TAS1R1: variants seen among roughly 807,000 people sequenced by gnomAD.
The protein encoded by TAS1R1 is taste receptor type 1 member 1.
In TAS1R1, 31 loss-of-function variants were observed where a neutral mutation model predicts 45.8. That is an observed-to-expected ratio of 0.68 (90% confidence interval 0.51 to 0.91). The LOEUF (loss-of-function observed/expected upper bound fraction) is 0.91, where lower values mean the gene tolerates loss of function less well. Among genes scored for constraint, TAS1R1 ranks in the 40% least tolerant of loss-of-function variants. The pLI, the probability that TAS1R1 is intolerant of heterozygous loss-of-function variation, is 0.00. For synonymous variants in TAS1R1, 437 were observed against 448.4 expected, an observed-to-expected ratio of 0.97 and a Z score of 0.32; for missense variants, 1,051 against 1,063.9, an observed-to-expected ratio of 0.99 and a Z score of 0.17.
chr1:6,575,171 A>G lies in TAS1R1; in HGVS notation c.1039A>G (p.Lys347Glu), dbSNP rs10864628. ...AGAAGCCTATGCCCGGGCAGACAAG[A>G]AGGCCCCTAGGCCTTGCCACAAGGG... ...FEEAYARADK[K>E]APRPCHKGSW... is the part of the protein sequence containing the mutation. Residue 347 changes from lysine (K) to glutamate (E), a missense_variant, in exon 3 of 6, where the codon AAG becomes GAG. By Grantham distance (56) the Lys-to-Glu change is moderately conservative (BLOSUM62 1). Transcript: ENST00000333172. The G allele has an allele frequency of 0.99, 1,574,762 of 1,595,622 alleles. 779,265 individuals carry two copies. Among genetic ancestry groups the G allele is most frequent in the East Asian group, 1 (44,832 of 44,832 alleles).
At chr1:6,566,030 C>T (rs894038396) in intron 1 of TAS1R1, among the ~76,000 whole-genome samples, 3 of 152,110 alleles carry the variant, frequency 2.0e-5, no homozygotes, top group Admixed American at 2.0e-4. Context: ...ACCCCATATG[C>T]TTTGTTAGCA....
chr1:6,558,983 C>T (rs1335238894), intron 1 of TAS1R1, among the ~76,000 whole-genome samples: 1 of 140,466 alleles, frequency 7.1e-6, no homozygotes, highest in Non-Finnish European at 1.6e-5. Context: ...GCTCCGCCTC[C>T]TGGTTTCACA....
intron 1 of TAS1R1, among the ~76,000 whole-genome samples, chr1:6,563,459 C>T (rs960542062): frequency 6.6e-6 from 1 of 152,100 alleles, no homozygotes; most frequent in Non-Finnish European, 1.5e-5. Flanking sequence ...TGTTTTCTGT[C>T]GTATCTATGA....
At chr1:6,561,879 AG>A (rs1639795568) in intron 1 of TAS1R1, among the ~76,000 whole-genome samples, 1 of 152,158 alleles carries the variant, frequency 6.6e-6, no homozygotes, top group South Asian at 2.1e-4. Flanking sequence ...TACGAGGTCC[AG>A]TGGAGTTGAA....
chr1:6,558,469 C>T (rs947063457), intron 1 of TAS1R1, among the ~76,000 whole-genome samples: 1 of 152,068 alleles, frequency 6.6e-6, no homozygotes, highest in African/African-American at 2.4e-5. Flanking sequence ...CCTGTCATCC[C>T]AGCACTTTGG....
Position 6,574,883 on chromosome 1 carries a change from G to A in TAS1R1, c.751G>A (p.Val251Met), listed in dbSNP as rs1020360257. The A allele has an allele frequency of 6.2e-7, 1 of 1,614,224 alleles. No homozygotes were observed. Among genetic ancestry groups the A allele is most frequent in the Non-Finnish European group, 8.5e-7 (1 of 1,180,040 alleles). Residue 251 changes from valine (V) to methionine (M), a missense_variant, in exon 3 of 6, where the codon GTG becomes ATG. By Grantham distance (21) the Val-to-Met change is conservative (BLOSUM62 1). Transcript: ENST00000333172. The surrounding 1 kb of genome is among the most constrained non-coding windows in gnomAD (Gnocchi z 4.3). The stretch of plus-strand genomic sequence containing the variant: ...GGACATCATGCCCTTCTCTGCCCAG[G>A]TGGGCGATGAGAGGATGCAGTGCCT... ...FKDIMPFSAQVGDERMQCLMR... is the reference protein window; with the variant it reads ...FKDIMPFSAQMGDERMQCLMR...
intron 1 of TAS1R1, among the ~76,000 whole-genome samples, chr1:6,557,070 C>T (rs1254743366): frequency 4.7e-5 from 7 of 149,876 alleles, no homozygotes; most frequent in Non-Finnish European, 1.0e-4. Flanking sequence ...GTCACAGACC[C>T]AGAGGCCCAA....
In TAS1R1 at chr1:6,568,172, G is replaced by A. The variant is rs569673306; in HGVS notation, c.192-2737G>A. Among the ~76,000 whole-genome samples the A allele has an allele frequency of 3.9e-5, 6 of 152,106 alleles. No homozygotes were observed. The South Asian group carries it at 1.0e-3, about 26-fold the overall frequency. ...GGTATTGAGAACAATAGTTCCAGCC[G>A]GGCGCGGTGGTTCACGCCTGTAATC... On this transcript the variant is annotated intron_variant, in intron 1 of 5. Transcript: ENST00000333172.
chr1:6,579,603 C>A lies in TAS1R1; in HGVS notation c.*19C>A. 6.3e-7 allele frequency: 1 copy of A among 1,584,630 alleles called. No individual in the cohort carries two copies. Among genetic ancestry groups the A allele is most frequent in the Non-Finnish European group, 8.6e-7 (1 of 1,168,696 alleles). On this transcript the variant is annotated 3_prime_UTR_variant, in exon 6 of 6. Coordinates refer to ENST00000333172, the MANE Select transcript of TAS1R1 (RefSeq NM_138697.4). Reference sequence around the variant, plus strand: ...CACCTGACCAGTGGGTCAGCAGGCACGGCTGGCAGCCTTCTCTGCCCTGAG... The same window carrying A: ...CACCTGACCAGTGGGTCAGCAGGCAAGGCTGGCAGCCTTCTCTGCCCTGAG...
At chr1:6,556,479 C>T (rs1201495950) in intron 1 of TAS1R1, among the ~76,000 whole-genome samples, 3 of 152,066 alleles carry the variant, frequency 2.0e-5, no homozygotes, top group African/African-American at 7.2e-5. Context: ...TGACTCACTG[C>T]AACCTCCTCC....
intron 1 of TAS1R1, among the ~76,000 whole-genome samples, chr1:6,556,981 C>T (rs4908926): frequency 0.79 from 111,925 of 142,234 alleles, 45,229 homozygotes; most frequent in Non-Finnish European, 0.87. Context: ...TGCATTCCAA[C>T]CCGGGCGACA....
intron 1 of TAS1R1, among the ~76,000 whole-genome samples, chr1:6,561,923 CA>C (rs1570107640): frequency 1.3e-5 from 2 of 152,082 alleles, no homozygotes; most frequent in African/African-American, 2.4e-5. Context: ...AAAGTGGGAC[CA>C]GGGGGCCAAC....
At chr1:6,575,690 TC>T (rs377021571) in intron 3 of TAS1R1, among the ~76,000 whole-genome samples, 18 of 103,602 alleles carry the variant, frequency 1.7e-4, no homozygotes, top group Admixed American at 9.2e-4. Flanking sequence ...GGATAATTTT[TC>T]TTTTCTTTTT....
In TAS1R1 at chr1:6,576,404, G is replaced by A. The variant is rs114357806; in HGVS notation, c.1261-11G>A. On this transcript the variant is annotated splice_polypyrimidine_tract_variant and intron_variant, in intron 3 of 5. Coordinates refer to ENST00000333172, the MANE Select transcript of TAS1R1 (RefSeq NM_138697.4). ...TGTCTGTGGTGGCTTCATGATACGC[G>A]TTTCTTTCAGCTTTTGGAGCAGATC... 1.5e-3 allele frequency: 2,371 copies of A among 1,614,074 alleles called. 33 individuals are homozygous for A. In the African/African-American group the frequency reaches 0.027, roughly 18 times the overall value.
At chr1:6,568,384 G>A (rs1639919172) in intron 1 of TAS1R1, among the ~76,000 whole-genome samples, 1 of 151,916 alleles carries the variant, frequency 6.6e-6, no homozygotes, top group Non-Finnish European at 1.5e-5. Flanking sequence ...GAACCCGGGA[G>A]GCGGAGCTTG....
chr1:6,571,295 C>T, intron 2 of TAS1R1, 80 bp downstream of exon 2: 4 of 1,434,798 alleles, frequency 2.8e-6, no homozygotes, highest in South Asian at 2.8e-5. Context: ...GCTGCTGTCC[C>T]CCCCAAGGCT....
In TAS1R1 at chr1:6,555,379, G is replaced by A; in HGVS notation, c.6G>A (p.Leu2=). Residue 2 remains leucine (L), a synonymous_variant, in exon 1 of 6, where the codon CTG becomes CTA. Transcript: ENST00000333172. ...GGCGCGGGCATCTGGCCAGCATGCT[G>A]CTCTGCACGGCTCGCCTGGTCGGCC... is the stretch of plus-strand genomic sequence containing the variant. M[L]LCTARLVGLQ... is the part of the protein sequence containing the mutation. 1 of 1,597,232 alleles carries A rather than the reference G, an allele frequency of 6.3e-7. No individual in the cohort carries two copies. Among genetic ancestry groups the A allele is most frequent in the African/African-American group, 1.3e-5 (1 of 74,840 alleles).
At chr1:6,564,880 C>G (rs1007719197) in intron 1 of TAS1R1, among the ~76,000 whole-genome samples, 1 of 152,150 alleles carries the variant, frequency 6.6e-6, no homozygotes, top group Non-Finnish European at 1.5e-5. Flanking sequence ...TGCCAGTCCT[C>G]CCCTGGGAGT....
intron 1 of TAS1R1, among the ~76,000 whole-genome samples, chr1:6,569,012 G>T (rs1197437557): frequency 1.3e-5 from 2 of 152,210 alleles, no homozygotes; most frequent in African/African-American, 4.8e-5. Flanking sequence ...CCACCTCCCG[G>T]AGCGGAAGTG....
Sources: allele counts gnomAD v4.1 joint callset (sites outside exome capture counted in the v4.1 genomes callset), GRCh38; gene constraint gnomAD v4.1.1; non-coding constraint Gnocchi (gnomAD v3.1); transcripts MANE v1.5; gene names NCBI Gene and HGNC (gene_info 2026-07-23, HGNC 2026-07-21).